The following CAPN2 variants were observed in gnomAD, a reference collection of about 807,000 sequenced individuals.
CAPN2 encodes calpain 2.
Under a neutral mutation model 102.3 loss-of-function variants are expected in CAPN2, and 92 were observed. The ratio of observed to expected loss-of-function variants is 0.90; its 90% CI spans 0.76 to 1.07. The LOEUF (loss-of-function observed/expected upper bound fraction) is 1.07, where lower values mean the gene tolerates loss of function less well. Ranked by LOEUF, CAPN2 falls within the 50% of genes least tolerant of loss-of-function variation. The pLI is 0.00. For synonymous variants in CAPN2, 340 were observed against 355.4 expected (o/e 0.96, Z 0.49); for missense variants, 800 against 909.4 (o/e 0.88, Z 1.55).
rs1244443244 is a variant in CAPN2 at position 223,766,526 on chromosome 1, T to G, written c.1755+95T>G. 5.0e-6 allele frequency: 5 copies of G among 996,002 alleles called. No homozygotes were observed. The South Asian group carries it at 6.8e-5, about 13-fold the overall frequency. 61.7% of individuals were successfully genotyped at this position (996,002 alleles called of 1,614,324 possible). A position where few individuals can be genotyped will look rare whatever the true frequency, so the allele number is the denominator to read the frequency against. The stretch of plus-strand genomic sequence containing the variant: ...CACATGGCCTTCTCCCTTTTCAAAA[T>G]AGCCAGTTGTTCCCAACTTGCTGAG... On this transcript the variant is annotated intron_variant, in intron 16 of 20. Transcript: ENST00000295006.
At position 223,761,646 on chromosome 1, in the gene CAPN2, C is replaced by A. The variant is rs377120648; in HGVS notation, c.1566+29C>A. The A allele has an allele frequency of 5.0e-5, 80 of 1,596,574 alleles. No homozygotes were observed. In the African/African-American group the frequency reaches 1.0e-3, roughly 20 times the overall value. On this transcript the variant is annotated intron_variant, in intron 13 of 20. Coordinates refer to ENST00000295006, the MANE Select transcript of CAPN2 (RefSeq NM_001748.5). ...TTTGTAACTCTTTGAATTTCACCCACTCTGTCCTGGACAATCCAGAGAGCA... is the reference window on the plus strand; with the variant it reads ...TTTGTAACTCTTTGAATTTCACCCAATCTGTCCTGGACAATCCAGAGAGCA...
In CAPN2 at chr1:223,726,598, T is replaced by C. The variant is rs1379032646; in HGVS notation, c.307+8767T>C. Among the ~76,000 whole-genome samples, 2 of 152,126 alleles carry C rather than the reference T, an allele frequency of 1.3e-5. No individual in the cohort carries two copies. Among genetic ancestry groups the C allele is most frequent in the Non-Finnish European group, 2.9e-5 (2 of 68,004 alleles). On this transcript the variant is annotated intron_variant, in intron 2 of 20. Transcript: ENST00000295006. This position sits in a 1 kb window ranked among gnomAD's most constrained non-coding sequence, Gnocchi z 4.4. Reference sequence around the variant, plus strand: ...ATCCTCCCTTTTAGGGCCTCCCTTCTGGCAGATAGGGCAGGGAGAAGGGAA... The same window carrying C: ...ATCCTCCCTTTTAGGGCCTCCCTTCCGGCAGATAGGGCAGGGAGAAGGGAA...
intron 2 of CAPN2, among the ~76,000 whole-genome samples, chr1:223,719,168 C>T (rs1423000904): frequency 2.0e-5 from 3 of 152,152 alleles, no homozygotes; most frequent in Admixed American, 1.3e-4. Context: ...GCACCCAAGG[C>T]GGATCCTCCA....
chr1:223,766,952 T>G (rs1571819704), intron 16 of CAPN2, among the ~76,000 whole-genome samples: 1 of 149,382 alleles, frequency 6.7e-6, no homozygotes, highest in Non-Finnish European at 1.5e-5. Context: ...AGAGCGTGAC[T>G]CATCGCCAAA....
At chr1:223,738,203 G>T (rs544303639) in intron 2 of CAPN2, among the ~76,000 whole-genome samples, 4 of 151,768 alleles carry the variant, frequency 2.6e-5, no homozygotes, top group African/African-American at 9.7e-5. Flanking sequence ...TGTCACCCAG[G>T]CTGGAGTACA....
chr1:223,770,089 G>A, intron 17 of CAPN2, 180 bp downstream of exon 17: 1 of 622,914 alleles, frequency 1.6e-6, no homozygotes, highest in Non-Finnish European at 2.9e-6. Context: ...AAACCAACCA[G>A]GACTTCGCAG....
chr1:223,772,005 CTA>C (rs1337136447), intron 19 of CAPN2, 80 bp downstream of exon 19: 33 of 1,155,770 alleles, frequency 2.9e-5, no homozygotes, highest in Non-Finnish European at 4.2e-5. Flanking sequence ...GTGAAATCAT[CTA>C]AACTAGAGAC....
chr1:223,724,085 A>T (rs981178001), intron 2 of CAPN2, among the ~76,000 whole-genome samples: 3 of 151,906 alleles, frequency 2.0e-5, no homozygotes, highest in African/African-American at 7.3e-5. Context: ...GTTGGAACAG[A>T]TTTTCCTGAT....
upstream of CAPN2, among the ~76,000 whole-genome samples, chr1:223,708,668 G>A (rs1208412693): frequency 6.6e-6 from 1 of 151,760 alleles, no homozygotes; most frequent in Non-Finnish European, 1.5e-5. Flanking sequence ...CTACTCAGGA[G>A]GCTGAGGCAG....
At chr1:223,763,478 AG>A (rs1193965598) in intron 14 of CAPN2, among the ~76,000 whole-genome samples, 3 of 152,194 alleles carry the variant, frequency 2.0e-5, no homozygotes, top group Non-Finnish European at 4.4e-5. Context: ...TAAACAAAGG[AG>A]TTTATCCATG....
chr1:223,753,896 CAAAATCCAAA>C (rs1415785075), intron 9 of CAPN2, among the ~76,000 whole-genome samples: 1 of 152,012 alleles, frequency 6.6e-6, no homozygotes, highest in Non-Finnish European at 1.5e-5. Flanking sequence ...ACAAATATTC[CAAAATCCAAA>C]AAAATCCAAA....
Position 223,745,300 on chromosome 1 carries a change from C to T in CAPN2, c.427-6C>T. 1 of 1,614,166 alleles carries T rather than the reference C, an allele frequency of 6.2e-7. No homozygotes were observed. Among genetic ancestry groups the T allele is most frequent in the South Asian group, 1.1e-5 (1 of 91,084 alleles). On this transcript the variant is annotated splice_region_variant and splice_polypyrimidine_tract_variant and intron_variant, in intron 3 of 20. Coordinates refer to ENST00000295006, the MANE Select transcript of CAPN2 (RefSeq NM_001748.5). ...CCTCCTGCAGCCCACCTCTCTTGTT[C>T]TGCAGTTCTGGCAATACGGCGAGTG... is the stretch of plus-strand genomic sequence containing the variant.
At chr1:223,723,522 C>G (rs754200869) in intron 2 of CAPN2, among the ~76,000 whole-genome samples, 6 of 152,112 alleles carry the variant, frequency 3.9e-5, no homozygotes, top group Non-Finnish European at 8.8e-5. Flanking sequence ...CATCATGTCC[C>G]CTCGGCTTCT....
At chr1:223,706,610 T>G (rs1185915314) in intron 1 of CAPN2, among the ~76,000 whole-genome samples, 1 of 152,190 alleles carries the variant, frequency 6.6e-6, no homozygotes, top group Non-Finnish European at 1.5e-5. Context: ...CAACACAACA[T>G]GTCAGCTGCT....
At chr1:223,745,251 A>G in intron 3 of CAPN2, 55 bp from the exon 4 acceptor site, 1 of 1,610,846 alleles carries the variant, frequency 6.2e-7, no homozygotes, top group South Asian at 1.1e-5. Context: ...GCTGAGGCTC[A>G]GAGTCCCAGT....
upstream of CAPN2, among the ~76,000 whole-genome samples, chr1:223,711,430 C>T (rs1003656954): frequency 5.3e-5 from 8 of 152,128 alleles, no homozygotes; most frequent in African/African-American, 1.7e-4. Context: ...CTATAGTAAC[C>T]CAACTAATCC....
At chr1:223,742,741 G>A (rs559241370) in intron 2 of CAPN2, among the ~76,000 whole-genome samples, 6 of 152,046 alleles carry the variant, frequency 3.9e-5, no homozygotes, top group African/African-American at 1.2e-4. Context: ...GGCCAGTGTC[G>A]AGCTCCTGTG....
Position 223,759,501 on chromosome 1 carries a change from C to CAG in CAPN2, c.1529+20_1529+21insAG. The CAG allele has an allele frequency of 3.1e-6, 5 of 1,602,402 alleles. No individual in the cohort carries two copies. The highest frequency in any genetic ancestry group is 4.3e-6 in the Non-Finnish European group (5 of 1,170,344). On this transcript the variant is annotated intron_variant, in intron 12 of 20. Coordinates refer to ENST00000295006, the MANE Select transcript of CAPN2 (RefSeq NM_001748.5). This position sits in a 1 kb window ranked among gnomAD's most constrained non-coding sequence, Gnocchi z 4.6. ...CTACCAGTAGGCGGTTTGGTCCCTTCCTCTCCCCACCCTTCCCTGTCCCTC... is the reference window on the plus strand; with the variant it reads ...CTACCAGTAGGCGGTTTGGTCCCTTCAGCTCTCCCCACCCTTCCCTGTCCCTC...
At chr1:223,729,190 CA>C (rs1211057201) in intron 2 of CAPN2, among the ~76,000 whole-genome samples, 1 of 152,174 alleles carries the variant, frequency 6.6e-6, no homozygotes, top group Non-Finnish European at 1.5e-5. Flanking sequence ...GGCATGAAAG[CA>C]ATACACATTT....
Sources: gnomAD v4.1 joint callset for allele counts (sites outside exome capture counted in the v4.1 genomes callset) on GRCh38, gnomAD v4.1.1 for gene constraint, Gnocchi (gnomAD v3.1) non-coding constraint, MANE v1.5 for transcripts, NCBI Gene and HGNC (gene_info 2026-07-23, HGNC 2026-07-21) for gene names.